The following PLEKHG1 variants were observed in gnomAD, a reference collection of about 807,000 sequenced individuals.
PLEKHG1 encodes pleckstrin homology domain-containing family G member 1.
Under a neutral mutation model 100.8 loss-of-function variants are expected in PLEKHG1, and 44 were observed. The observed-to-expected ratio is 0.44, with a 90% CI of 0.34 to 0.56. PLEKHG1 has a LOEUF of 0.56. Ranked by LOEUF, PLEKHG1 falls within the 20% of genes least tolerant of loss-of-function variation. PLEKHG1 has a pLI of 0.01. For synonymous variants in PLEKHG1, 640 were observed against 662.5 expected, an observed-to-expected ratio of 0.97 and a Z score of 0.52; for missense variants, 1,545 against 1,720.9, an observed-to-expected ratio of 0.90 and a Z score of 1.81.
intron 1 of PLEKHG1, among the ~76,000 whole-genome samples, chr6:150,623,491 CTG>C (rs1562390108): frequency 6.6e-6 from 1 of 152,226 alleles, no homozygotes; most frequent in Non-Finnish European, 1.5e-5. Flanking sequence ...CTGGCATTCT[CTG>C]TAGTTTTCCA....
intron 2 of PLEKHG1, among the ~76,000 whole-genome samples, chr6:150,766,602 T>C (rs1308643809): frequency 6.6e-6 from 1 of 152,244 alleles, no homozygotes; most frequent in Non-Finnish European, 1.5e-5. Flanking sequence ...ATCTGTTTTC[T>C]CAATAATTTC....
At chr6:150,678,976 CA>C (rs1779848118) in intron 3 of PLEKHG1, among the ~76,000 whole-genome samples, 1 of 152,174 alleles carries the variant, frequency 6.6e-6, no homozygotes, top group African/African-American at 2.4e-5. Flanking sequence ...AGCCTAAATT[CA>C]TTAACTTTCA....
chr6:150,833,031 C>A (rs1777036282), intron 15 of PLEKHG1, among the ~76,000 whole-genome samples: 1 of 141,464 alleles, frequency 7.1e-6, no homozygotes, highest in Admixed American at 7.7e-5. Flanking sequence ...CACATATCTC[C>A]ATTACTACTC....
chr6:150,775,239 G>A (rs62432669), intron 3 of PLEKHG1, among the ~76,000 whole-genome samples: 2,582 of 152,186 alleles, frequency 0.017, 34 homozygotes, highest in Non-Finnish European at 0.027. Flanking sequence ...AAAAAGAAAT[G>A]CCAAGTTTTA....
intron 1 of PLEKHG1, among the ~76,000 whole-genome samples, chr6:150,625,472 C>T (rs1016811901): frequency 6.6e-6 from 1 of 152,008 alleles, no homozygotes; most frequent in African/African-American, 2.4e-5. Flanking sequence ...ATCCTAAGGA[C>T]CTCATTTTAC....
intron 3 of PLEKHG1, among the ~76,000 whole-genome samples, chr6:150,677,038 G>A (rs1779779261): frequency 6.6e-6 from 1 of 151,834 alleles, no homozygotes; most frequent in African/African-American, 2.4e-5. Context: ...CATTCTCCCT[G>A]CGCTGCCTTT....
At chr6:150,698,803 C>A (rs1396039921) in intron 3 of PLEKHG1, among the ~76,000 whole-genome samples, 2 of 152,152 alleles carry the variant, frequency 1.3e-5, no homozygotes, top group African/African-American at 4.8e-5. Context: ...CGCTAAGTGT[C>A]TTCACTAATA....
At chr6:150,625,499 T>TC (rs1191428256) in intron 1 of PLEKHG1, among the ~76,000 whole-genome samples, 1 of 150,094 alleles carries the variant, frequency 6.7e-6, no homozygotes, top group Non-Finnish European at 1.5e-5. Flanking sequence ...CATCTCTCTC[T>TC]TTTTTTTTAA....
chr6:150,838,214 C>A (rs1777330272), intron 15 of PLEKHG1, among the ~76,000 whole-genome samples: 1 of 152,092 alleles, frequency 6.6e-6, no homozygotes, highest in African/African-American at 2.4e-5. Flanking sequence ...AACAGTGTTA[C>A]CTGCTGGTTG....
At chr6:150,712,605 T>C (rs540055933) in intron 3 of PLEKHG1, among the ~76,000 whole-genome samples, 2 of 152,350 alleles carry the variant, frequency 1.3e-5, no homozygotes, top group East Asian at 3.9e-4. Flanking sequence ...TAATTCCCAT[T>C]CAACCTGCAG....
At chr6:150,626,827 T>C (rs1388426086) in intron 1 of PLEKHG1, among the ~76,000 whole-genome samples, 1 of 152,206 alleles carries the variant, frequency 6.6e-6, no homozygotes, top group African/African-American at 2.4e-5. Flanking sequence ...TATGTGTGTG[T>C]GCGTGTGTGT....
chr6:150,642,331 A>G (rs1778305683), intron 2 of PLEKHG1, among the ~76,000 whole-genome samples: 2 of 152,240 alleles, frequency 1.3e-5, no homozygotes, highest in African/African-American at 4.8e-5. Context: ...TGGTGCTTAT[A>G]AAATTTTTCT....
At chr6:150,828,432 G>A in intron 14 of PLEKHG1, 1 of 1,499,454 alleles carries the variant, frequency 6.7e-7, no homozygotes, top group South Asian at 1.2e-5. Context: ...CAAATTGTCT[G>A]GATTTTTTAA....
intron 2 of PLEKHG1, among the ~76,000 whole-genome samples, chr6:150,765,657 G>A (rs1004252296): frequency 4.6e-5 from 7 of 152,114 alleles, no homozygotes; most frequent in African/African-American, 1.4e-4. Context: ...CCTGCTGGAT[G>A]GTTATGTAGA....
At chr6:150,702,624 T>C (rs1780845274) in intron 3 of PLEKHG1, among the ~76,000 whole-genome samples, 1 of 148,306 alleles carries the variant, frequency 6.7e-6, no homozygotes, top group Non-Finnish European at 1.5e-5. Context: ...ACCCAAATTG[T>C]ACCCTTCTAA....
At chr6:150,830,628 C>T (rs1776861573) in exon 15 of PLEKHG1, 1 of 1,612,274 alleles carries the variant, frequency 6.2e-7, no homozygotes, top group Middle Eastern at 1.7e-4. Flanking sequence ...GCAAGGCCGT[C>T]TCCTGCCCAG....
chr6:150,607,000 T>A (rs1776629167), intron 1 of PLEKHG1, among the ~76,000 whole-genome samples: 1 of 152,144 alleles, frequency 6.6e-6, no homozygotes, highest in Non-Finnish European at 1.5e-5. Context: ...AAGCAAAGCA[T>A]GGACCCGTTT....
At chr6:150,770,150 A>G (rs973671243) in intron 3 of PLEKHG1, among the ~76,000 whole-genome samples, 2 of 152,234 alleles carry the variant, frequency 1.3e-5, no homozygotes, top group Non-Finnish European at 2.9e-5. Context: ...TGATTTTGCG[A>G]TAGTGAAATC....
intron 14 of PLEKHG1, among the ~76,000 whole-genome samples, chr6:150,826,524 A>G (rs886319558): frequency 6.6e-6 from 1 of 152,256 alleles, no homozygotes; most frequent in African/African-American, 2.4e-5. Flanking sequence ...GTGGAAGGAC[A>G]GGAGAAAAGT....
Sources: allele counts gnomAD v4.1 joint callset (sites outside exome capture counted in the v4.1 genomes callset), GRCh38; gene constraint gnomAD v4.1.1; transcripts MANE v1.5; gene names NCBI Gene and HGNC (gene_info 2026-07-23, HGNC 2026-07-21).